The following LAMP3 variants were observed in gnomAD, a reference collection of about 807,000 sequenced individuals.
LAMP3 encodes lysosome-associated membrane glycoprotein 3.
LAMP3 carries 26 observed loss-of-function variants against 34.8 expected under a neutral mutation model. The ratio of observed to expected loss-of-function variants is 0.75; its 90% CI spans 0.55 to 1.04. The LOEUF is 1.04. LAMP3 is among the 50% of genes least tolerant of loss of function. The pLI, the probability that LAMP3 is intolerant of heterozygous loss-of-function variation, is 0.00. For synonymous variants in LAMP3, 180 were observed against 201.9 expected, an observed-to-expected ratio of 0.89 and a Z score of 0.92; for missense variants, 495 against 524.0, an observed-to-expected ratio of 0.94 and a Z score of 0.54.
chr3:183,160,070 T>C (rs1256465141), intron 1 of LAMP3, among the ~76,000 whole-genome samples: 1 of 152,250 alleles, frequency 6.6e-6, no homozygotes, highest in Non-Finnish European at 1.5e-5. Flanking sequence ...TGAATTTCTC[T>C]GGACATGTTT....
Position 183,123,479 on chromosome 3 carries a change from A to G in LAMP3, c.*602T>C, listed in dbSNP as rs540368643. ...GAAGCTGAAGCAGGAGAATCACTTG[A>G]ACCCGGGAGGCGGAGGTTGCCATAA... On this transcript the variant is annotated 3_prime_UTR_variant, in exon 6 of 6. Transcript: ENST00000265598. The G allele has an allele frequency of 1.3e-5, 2 of 152,868 alleles. No individual in the cohort carries two copies. The highest frequency in any genetic ancestry group is 4.8e-5 in the African/African-American group (2 of 41,580). 9.5% of individuals were successfully genotyped at this position (152,868 alleles called of 1,614,324 possible).
At chr3:183,143,971 GC>G (rs5854968) in intron 3 of LAMP3, among the ~76,000 whole-genome samples, 133,305 of 152,106 alleles carry the variant, frequency 0.88, 58,550 homozygotes, top group East Asian at 0.94. Flanking sequence ...GCACCAACCA[GC>G]CCAATTCATC....
At chr3:183,155,759 T>C (rs1464789480) in intron 1 of LAMP3, among the ~76,000 whole-genome samples, 1 of 152,258 alleles carries the variant, frequency 6.6e-6, no homozygotes, top group Non-Finnish European at 1.5e-5. Flanking sequence ...AAACTGTGTG[T>C]ACCATTTTTA....
intron 5 of LAMP3, among the ~76,000 whole-genome samples, chr3:183,127,183 G>A (rs1177190626): frequency 2.0e-5 from 3 of 152,084 alleles, no homozygotes; most frequent in Admixed American, 2.0e-4. Context: ...TGCCCAGGCT[G>A]GGGGGCAGTG....
intron 5 of LAMP3, among the ~76,000 whole-genome samples, chr3:183,126,172 CG>C (rs1291669235): frequency 3.3e-5 from 5 of 151,554 alleles, no homozygotes; most frequent in African/African-American, 9.7e-5. Flanking sequence ...TTTAAATATA[CG>C]TAAAAACTAA....
intron 4 of LAMP3, among the ~76,000 whole-genome samples, chr3:183,139,498 C>T (rs1720208517): frequency 1.3e-5 from 2 of 152,084 alleles, no homozygotes; most frequent in African/African-American, 4.8e-5. Flanking sequence ...TGCCTGAAGC[C>T]ATGGATAGTA....
At position 183,140,545 on chromosome 3, in the gene LAMP3, T is replaced by C; in HGVS notation, c.939A>G (p.Ser313=). 1 of 1,594,984 alleles carries C rather than the reference T, an allele frequency of 6.3e-7. No homozygotes were observed. The highest frequency in any genetic ancestry group is 8.6e-7 in the Non-Finnish European group (1 of 1,162,970). ...CATTCTGTAATTACTAACCTGGATC[T>C]GAGACGGTCAAATAGGCTCCCACTT... The part of the protein sequence containing the change: ...ISEVGAYLTV[S]DPETIYQGIK... Residue 313 remains serine (S), a synonymous_variant, in exon 4 of 6, where the codon TCA becomes TCG. Coordinates refer to ENST00000265598, the MANE Select transcript of LAMP3 (RefSeq NM_014398.4).
chr3:183,134,941 G>A (rs994050299), intron 5 of LAMP3, among the ~76,000 whole-genome samples: 2 of 152,176 alleles, frequency 1.3e-5, no homozygotes, highest in African/African-American at 4.8e-5. Context: ...TCGTAACACT[G>A]TTTTCCTGGA....
At chr3:183,131,479 C>A (rs974538241) in intron 5 of LAMP3, among the ~76,000 whole-genome samples, 2 of 152,142 alleles carry the variant, frequency 1.3e-5, no homozygotes, top group African/African-American at 4.8e-5. Flanking sequence ...AAGCCCGAGT[C>A]TCTTTGGGGA....
intron 5 of LAMP3, among the ~76,000 whole-genome samples, chr3:183,134,737 T>C (rs954224351): frequency 6.6e-6 from 1 of 152,344 alleles, no homozygotes; most frequent in East Asian, 1.9e-4. Context: ...AGTTTTCTGC[T>C]ACACACATCT....
At chr3:183,163,208 G>T (rs1189312343), upstream of LAMP3, among the ~76,000 whole-genome samples, 1 of 151,486 alleles carries the variant, frequency 6.6e-6, no homozygotes, top group Non-Finnish European at 1.5e-5. Flanking sequence ...CGCCCGCCTC[G>T]ACCTCCCAAA....
intron 1 of LAMP3, chr3:183,158,245 C>T (rs1720877194): frequency 6.6e-6 from 1 of 152,208 alleles, no homozygotes. Flanking sequence ...TGACCACACA[C>T]ATGGTCTATG....
intron 5 of LAMP3, among the ~76,000 whole-genome samples, chr3:183,125,917 C>T (rs747108368): frequency 1.3e-5 from 2 of 152,120 alleles, no homozygotes; most frequent in Non-Finnish European, 2.9e-5. Context: ...TGAAGCAATC[C>T]TTGACTTCCC....
chr3:183,140,737 G>T, intron 3 of LAMP3, 142 bp from the exon 4 acceptor site: 1 of 526,820 alleles, frequency 1.9e-6, no homozygotes, highest in Non-Finnish European at 3.4e-6. Flanking sequence ...TCATAATTGT[G>T]TATGAAAATT....
intron 2 of LAMP3, among the ~76,000 whole-genome samples, chr3:183,153,196 A>AAG (rs1560314613): frequency 4.0e-5 from 6 of 150,312 alleles, no homozygotes; most frequent in African/African-American, 1.5e-4. Flanking sequence ...AAAAAAAGAA[A>AAG]GAAAATATTG....
intron 5 of LAMP3, chr3:183,132,171 G>A (rs1719944750): frequency 3.0e-6 from 3 of 985,136 alleles, no homozygotes; most frequent in Non-Finnish European, 3.6e-6. Context: ...AACATTTATT[G>A]AGCCCCTCCT....
At chr3:183,129,389 T>G (rs958414428) in intron 5 of LAMP3, among the ~76,000 whole-genome samples, 1 of 152,092 alleles carries the variant, frequency 6.6e-6, no homozygotes, top group African/African-American at 2.4e-5. Context: ...ATTTTTGAGG[T>G]CTATACGTCA....
intron 5 of LAMP3, among the ~76,000 whole-genome samples, chr3:183,130,927 T>C (rs1719901438): frequency 6.6e-6 from 1 of 152,156 alleles, no homozygotes; most frequent in Non-Finnish European, 1.5e-5. Flanking sequence ...TGAATGTGTG[T>C]GTGGTTAGGA....
In LAMP3 at chr3:183,124,194, A is replaced by T. The variant is rs777387904; in HGVS notation, c.1138T>A (p.Tyr380Asn). 2 of 1,601,136 alleles carry T rather than the reference A, an allele frequency of 1.2e-6. No homozygotes were observed. The highest frequency in any genetic ancestry group is 3.5e-5 in the Admixed American group (2 of 56,492). The change falls in exon 6 of 6, where the codon TAC (tyrosine) becomes AAC (asparagine). Residue 380 changes from tyrosine (Y) to asparagine (N), a missense_variant. Physicochemically the swap from Tyr to Asn is moderately radical, Grantham distance 143. Transcript: ENST00000265598. ...CCAATCACAGGAAGCACAATTGTGT[A>T]GTCAGACGAGCACTCATCCACTAAG... ...FGNVDECSSD[Y>N]TIVLPVIGAI...
Sources: gnomAD v4.1 joint callset for allele counts (sites outside exome capture counted in the v4.1 genomes callset) on GRCh38, gnomAD v4.1.1 for gene constraint, MANE v1.5 for transcripts, NCBI Gene and HGNC (gene_info 2026-07-23, HGNC 2026-07-21) for gene names.